Variants in KDM6A observed in about 807,000 individuals in gnomAD.
KDM6A encodes the protein lysine-specific demethylase 6A.
In KDM6A, 11 loss-of-function variants were observed where a neutral mutation model predicts 117.6. The ratio of observed to expected loss-of-function variants is 0.09; its 90% CI spans 0.06 to 0.15. KDM6A has a LOEUF of 0.15. Ranked by LOEUF, KDM6A falls within the 10% of genes least tolerant of loss-of-function variation. The probability of loss-of-function intolerance (pLI) is 1.00; values close to 1 mark genes in which losing one functional copy is unlikely to be tolerated. For missense variants in KDM6A, 799 were observed against 1,077.3 expected (o/e 0.74, Z 3.62); for synonymous variants, 384 against 396.1 (o/e 0.97, Z 0.36).
intron 4 of KDM6A, among the ~76,000 whole-genome samples, chrX:45,009,419 C>G (rs758434609): frequency 1.8e-5 from 2 of 111,520 alleles, no homozygotes; most frequent in African/African-American, 6.5e-5. Context: ...TTGTTGCCAT[C>G]TTGGTTTTGG....
chrX:45,044,077 A>G (rs192136666), intron 8 of KDM6A, among the ~76,000 whole-genome samples: 16 of 112,381 alleles, frequency 1.4e-4, no homozygotes, highest in African/African-American at 4.8e-4. Flanking sequence ...AGGCTATACC[A>G]TATAGCTTAG....
At chrX:45,003,991 C>A (rs2041301790) in intron 4 of KDM6A, among the ~76,000 whole-genome samples, 1 of 107,336 alleles carries the variant, frequency 9.3e-6, no homozygotes, top group Non-Finnish European at 1.9e-5. Flanking sequence ...CTGTTCTCCC[C>A]TCTCTTTCCC....
chrX:44,916,944 C>T (rs1467326299), intron 2 of KDM6A, among the ~76,000 whole-genome samples: 3 of 109,822 alleles, frequency 2.7e-5, no homozygotes, highest in Non-Finnish European at 5.7e-5. Context: ...CTATGGTGCC[C>T]AGCCCATCTT....
intron 2 of KDM6A, among the ~76,000 whole-genome samples, chrX:44,891,315 G>A (rs1670220723): frequency 9.0e-6 from 1 of 111,113 alleles, no homozygotes; most frequent in African/African-American, 3.3e-5. Context: ...TATATCAGGT[G>A]TGAGGTTGAA....
At chrX:45,030,678 G>A (rs1417578318) in intron 6 of KDM6A, among the ~76,000 whole-genome samples, 1 of 110,390 alleles carries the variant, frequency 9.1e-6, no homozygotes, top group Non-Finnish European at 1.9e-5. Context: ...AAGTTTGTTG[G>A]TTTTAATTTA....
chrX:44,961,249 T>A (rs371975644), intron 2 of KDM6A, 35 bp from the exon 3 acceptor site: 105 of 1,034,285 alleles, frequency 1.0e-4, no homozygotes, highest in Middle Eastern at 3.6e-4. Context: ...AGGGCTTTAT[T>A]TTTTGCTTAC....
intron 4 of KDM6A, among the ~76,000 whole-genome samples, chrX:44,988,823 G>C (rs377492710): frequency 2.7e-5 from 3 of 110,826 alleles, no homozygotes; most frequent in African/African-American, 9.9e-5. Context: ...GCCCCTACTG[G>C]GTGGTGCCTC....
chrX:45,036,514 G>A (rs1291446462), intron 7 of KDM6A, among the ~76,000 whole-genome samples: 14 of 111,727 alleles, frequency 1.3e-4, no homozygotes, highest in Non-Finnish European at 1.9e-4. Context: ...TAGAATAAAC[G>A]GTAGAATAAT....
At chrX:45,061,046 G>A (rs1376195059) in intron 14 of KDM6A, among the ~76,000 whole-genome samples, 2 of 111,234 alleles carry the variant, frequency 1.8e-5, no homozygotes, top group Non-Finnish European at 3.8e-5. Flanking sequence ...TTTAATGTTG[G>A]ATCTAGTGGA....
At chrX:45,011,796 TA>T (rs1339027956) in intron 5 of KDM6A, among the ~76,000 whole-genome samples, 1 of 111,387 alleles carries the variant, frequency 9.0e-6, no homozygotes, top group Admixed American at 9.6e-5. Context: ...TTTATTTATT[TA>T]TTTTTTGAGA....
intron 2 of KDM6A, among the ~76,000 whole-genome samples, chrX:44,888,938 G>A (rs12557605): frequency 0.011 from 1,206 of 111,992 alleles, 9 homozygotes; most frequent in Middle Eastern, 0.028. Context: ...GATGAGTAAG[G>A]ATCCTTAGTT....
At chrX:45,076,652 TCC>T in intron 18 of KDM6A, 43 bp from the exon 19 acceptor site, 1 of 959,829 alleles carries the variant, frequency 1.0e-6, no homozygotes, top group Non-Finnish European at 1.4e-6. Context: ...TTTTCTGTTT[TCC>T]AAATAAATGT....
intron 4 of KDM6A, among the ~76,000 whole-genome samples, chrX:44,998,558 C>G (rs1176670258): frequency 9.0e-6 from 1 of 110,867 alleles, no homozygotes; most frequent in African/African-American, 3.3e-5. Context: ...TTTTTTTATT[C>G]CCCAGTAGGT....
chrX:44,873,371 C>A lies in KDM6A; in HGVS notation c.-181C>A. 1.7e-6 allele frequency: 1 copy of A among 591,166 alleles called. No homozygotes were observed. The highest frequency in any genetic ancestry group is 2.5e-6 in the Non-Finnish European group (1 of 398,508). 48.7% of individuals were successfully genotyped at this position (591,166 alleles called of 1,213,427 possible). A position where few individuals can be genotyped will look rare whatever the true frequency, so the allele number is the denominator to read the frequency against. ...CGACCCGGGGGCTCCGCAGCCCCTG[C>A]CGCCGCCGCCGCCGCCTTCACCGCC... On this transcript the variant is annotated 5_prime_UTR_variant, in exon 1 of 30. Coordinates refer to ENST00000611820, the MANE Select transcript of KDM6A (RefSeq NM_001291415.2).
At chrX:44,957,714 A>G (rs1026942603) in intron 2 of KDM6A, among the ~76,000 whole-genome samples, 2 of 111,882 alleles carry the variant, frequency 1.8e-5, no homozygotes, top group African/African-American at 6.5e-5. Context: ...CACCAGCTAT[A>G]AACAATTAGA....
intron 2 of KDM6A, among the ~76,000 whole-genome samples, chrX:44,918,493 A>AT (rs2035698696): frequency 9.0e-6 from 1 of 111,627 alleles, no homozygotes; most frequent in South Asian, 3.7e-4. Context: ...GCTTGTCAGT[A>AT]TTTTGATATA....
intron 12 of KDM6A, among the ~76,000 whole-genome samples, chrX:45,059,747 A>T (rs1457569837): frequency 8.9e-6 from 1 of 111,896 alleles, no homozygotes; most frequent in Non-Finnish European, 1.9e-5. Context: ...TTGTCATAGC[A>T]TTTTATAGAA....
intron 4 of KDM6A, among the ~76,000 whole-genome samples, chrX:44,975,165 A>G (rs988865969): frequency 9.0e-6 from 1 of 111,489 alleles, no homozygotes; most frequent in African/African-American, 3.3e-5. Flanking sequence ...AGCTGAACCT[A>G]TTTTTTAGAA....
At chrX:44,948,255 G>A (rs2037779150) in intron 2 of KDM6A, among the ~76,000 whole-genome samples, 1 of 111,704 alleles carries the variant, frequency 9.0e-6, no homozygotes, top group Non-Finnish European at 1.9e-5. Flanking sequence ...TGGCTGCCCT[G>A]GCGTCCTGGC....
Sources: gnomAD v4.1 joint callset for allele counts (sites outside exome capture counted in the v4.1 genomes callset) on GRCh38, gnomAD v4.1.1 for gene constraint, MANE v1.5 for transcripts, NCBI Gene and HGNC (gene_info 2026-07-23, HGNC 2026-07-21) for gene names.